WDPCP: variants seen among roughly 807,000 people sequenced by gnomAD.
WDPCP encodes the protein WD repeat containing planar cell polarity effector.
Under a neutral mutation model 93.1 loss-of-function variants are expected in WDPCP, and 71 were observed. The ratio of observed to expected loss-of-function variants is 0.76; its 90% CI spans 0.63 to 0.93. The LOEUF (loss-of-function observed/expected upper bound fraction) is 0.93, where lower values mean the gene tolerates loss of function less well. WDPCP is among the 40% of genes least tolerant of loss of function. The probability of loss-of-function intolerance (pLI) is 0.00; values close to 1 mark genes in which losing one functional copy is unlikely to be tolerated. For missense variants in WDPCP, 844 were observed against 887.4 expected (o/e 0.95, Z 0.62); for synonymous variants, 315 against 315.0 (o/e 1.00, Z 0.00).
At chr2:63,717,801 G>T in intron 2 of WDPCP, 1 of 284,536 alleles carries the variant, frequency 3.5e-6, no homozygotes, top group Non-Finnish European at 6.8e-6. Context: ...ATAAGCAGTG[G>T]GTATACTGGC....
At chr2:63,821,041 C>T (rs755339842) in intron 1 of WDPCP, among the ~76,000 whole-genome samples, 3 of 152,182 alleles carry the variant, frequency 2.0e-5, no homozygotes, top group Non-Finnish European at 2.9e-5. Context: ...ATTCATTCCA[C>T]ATGATTCAGT....
intron 12 of WDPCP, among the ~76,000 whole-genome samples, chr2:63,343,924 G>C (rs988476099): frequency 1.3e-5 from 2 of 151,950 alleles, no homozygotes; most frequent in African/African-American, 4.8e-5. Context: ...CATTATCCTG[G>C]TTTCCCTTAG....
intron 13 of WDPCP, among the ~76,000 whole-genome samples, chr2:63,290,246 T>A (rs545696192): frequency 1.6e-4 from 24 of 152,166 alleles, no homozygotes; most frequent in African/African-American, 3.6e-4. Context: ...TACATTTTTT[T>A]TAAAATCCTC....
chr2:63,210,375 G>C (rs887380179), intron 14 of WDPCP, among the ~76,000 whole-genome samples: 1 of 151,856 alleles, frequency 6.6e-6, no homozygotes, highest in African/African-American at 2.4e-5. Flanking sequence ...AACTTCTTTG[G>C]TGTAATTAAT....
intron 1 of WDPCP, among the ~76,000 whole-genome samples, chr2:63,826,095 A>T (rs1671109571): frequency 6.6e-6 from 1 of 152,180 alleles, no homozygotes; most frequent in Admixed American, 6.5e-5. Context: ...ATTCAATGCC[A>T]TTAAAAGTTC....
At chr2:63,251,170 A>C (rs1001813395) in intron 14 of WDPCP, among the ~76,000 whole-genome samples, 4 of 152,214 alleles carry the variant, frequency 2.6e-5, no homozygotes, top group African/African-American at 9.6e-5. Context: ...ACAAAGAATG[A>C]ACGACACCAA....
At chr2:63,585,328 T>A (rs1368447615) in intron 1 of WDPCP, among the ~76,000 whole-genome samples, 1 of 152,184 alleles carries the variant, frequency 6.6e-6, no homozygotes, top group Non-Finnish European at 1.5e-5. Flanking sequence ...GTCCTGCATG[T>A]CACTTAAGCC....
intron 7 of WDPCP, chr2:63,437,914 T>C (rs762987876): frequency 6.3e-7 from 1 of 1,581,652 alleles, no homozygotes; most frequent in Non-Finnish European, 8.6e-7. Flanking sequence ...AGTTTAATCC[T>C]ATGTTTACAT....
intron 13 of WDPCP, among the ~76,000 whole-genome samples, chr2:63,280,689 A>T (rs956334601): frequency 3.3e-5 from 5 of 152,232 alleles, no homozygotes; most frequent in Admixed American, 6.5e-5. Flanking sequence ...TTTACAGCTA[A>T]CTGATCTTCA....
intron 1 of WDPCP, among the ~76,000 whole-genome samples, chr2:63,522,170 C>T (rs944567590): frequency 1.3e-5 from 2 of 152,064 alleles, no homozygotes; most frequent in East Asian, 1.9e-4. Context: ...TCTTCTAATG[C>T]TATCCCTCCT....
Position 63,121,380 on chromosome 2 carries a change from C to CTTTTTTTTTTTT in WDPCP, c.*614_*625dup, listed in dbSNP as rs139878372. On this transcript the variant is annotated 3_prime_UTR_variant, in exon 18 of 18. Coordinates refer to ENST00000272321, the MANE Select transcript of WDPCP (RefSeq NM_015910.7). ...AGGACTTTCTTTCTTTCTTTTCTTTCTTTTTTTTTTTTTTTTTTTTTGGAG... is the reference window on the plus strand; with the variant it reads ...AGGACTTTCTTTCTTTCTTTTCTTTCTTTTTTTTTTTTTTTTTTTTTTTTTTTTTTTTTGGAG... 6 of 87,282 alleles carry CTTTTTTTTTTTT rather than the reference C, an allele frequency of 6.9e-5. No homozygotes were observed. Among genetic ancestry groups the CTTTTTTTTTTTT allele is most frequent in the Admixed American group, 2.7e-4 (2 of 7,452 alleles). The allele number at this position is 87,282 out of a possible 1,614,324, so 5.4% of individuals were successfully genotyped here. A position where few individuals can be genotyped will look rare whatever the true frequency, so the allele number is the denominator to read the frequency against.
At chr2:63,625,013 G>T (rs1044364688) in intron 3 of WDPCP, among the ~76,000 whole-genome samples, 1 of 152,206 alleles carries the variant, frequency 6.6e-6, no homozygotes, top group Non-Finnish European at 1.5e-5. Flanking sequence ...GGGACACAAG[G>T]CTGGTTCCAC....
intron 10 of WDPCP, among the ~76,000 whole-genome samples, chr2:63,386,142 C>T (rs1308373030): frequency 1.3e-5 from 2 of 151,958 alleles, no homozygotes; most frequent in Non-Finnish European, 2.9e-5. Flanking sequence ...CCTTGTGACC[C>T]TGCGTCAAAG....
chr2:63,789,808 T>A (rs1670519948), intron 2 of WDPCP, among the ~76,000 whole-genome samples: 1 of 152,202 alleles, frequency 6.6e-6, no homozygotes, highest in Non-Finnish European at 1.5e-5. Flanking sequence ...AGAATATGGT[T>A]ACTCACCCTT....
intron 12 of WDPCP, among the ~76,000 whole-genome samples, chr2:63,350,976 T>TTTATTA (rs3048702): frequency 0.013 from 1,886 of 147,846 alleles, 56 homozygotes; most frequent in South Asian, 0.098. Flanking sequence ...TCAACATTTA[T>TTTATTA]TTATTATTAT....
intron 14 of WDPCP, among the ~76,000 whole-genome samples, chr2:63,196,860 G>T (rs1675475508): frequency 6.6e-6 from 1 of 152,166 alleles, no homozygotes; most frequent in Admixed American, 6.5e-5. Context: ...AAGAACCAGT[G>T]CCAGAAAACA....
At chr2:63,807,019 AC>A (rs1236264445) in intron 2 of WDPCP, among the ~76,000 whole-genome samples, 1 of 152,230 alleles carries the variant, frequency 6.6e-6, no homozygotes, top group African/African-American at 2.4e-5. Flanking sequence ...ATAGGAAATC[AC>A]AAGGGTATTG....
At chr2:63,319,702 T>C (rs1686940509) in intron 12 of WDPCP, among the ~76,000 whole-genome samples, 9 of 152,058 alleles carry the variant, frequency 5.9e-5, no homozygotes. Flanking sequence ...ATGGTCTCCA[T>C]CTCCTGACCT....
intron 1 of WDPCP, among the ~76,000 whole-genome samples, chr2:63,524,641 A>G (rs1439151224): frequency 6.6e-6 from 1 of 152,270 alleles, no homozygotes; most frequent in Non-Finnish European, 1.5e-5. Context: ...ACCTAAAACT[A>G]TGAAAACCAC....
Sources: allele counts gnomAD v4.1 joint callset (sites outside exome capture counted in the v4.1 genomes callset), GRCh38; gene constraint gnomAD v4.1.1; transcripts MANE v1.5; gene names NCBI Gene and HGNC (gene_info 2026-07-23, HGNC 2026-07-21).